Variants in STXBP5L observed in about 807,000 individuals in gnomAD.
The protein encoded by STXBP5L is syntaxin-binding protein 5-like.
In STXBP5L, 65 loss-of-function variants were observed where a neutral mutation model predicts 144.5. That is an observed-to-expected ratio of 0.45 (90% CI 0.37 to 0.55). The LOEUF (loss-of-function observed/expected upper bound fraction) is 0.55. Ranked by LOEUF, STXBP5L falls within the 20% of genes least tolerant of loss-of-function variation. The pLI, the probability that STXBP5L is intolerant of heterozygous loss-of-function variation, is 0.00. For synonymous variants in STXBP5L, 505 were observed against 469.6 expected (o/e 1.08, Z -0.97); for missense variants, 1,298 against 1,405.5 (o/e 0.92, Z 1.22).
Position 121,395,272 on chromosome 3 carries a change from C to T in STXBP5L, c.2588-11971C>T, listed in dbSNP as rs551687209. Among the ~76,000 whole-genome samples, 9 of 152,258 alleles carry T rather than the reference C, an allele frequency of 5.9e-5. No homozygotes were observed. The East Asian group carries it at 1.7e-3, about 29-fold the overall frequency. On this transcript the variant is annotated intron_variant, in intron 22 of 26. Coordinates refer to ENST00000471454, the MANE Select transcript of STXBP5L (RefSeq NM_001308330.2). Reference sequence around the variant, plus strand: ...ACCAAACGGAAAACAAAACAAAACTCTTCTATTTCACATAAGAAAAGTCTG... The same window carrying T: ...ACCAAACGGAAAACAAAACAAAACTTTTCTATTTCACATAAGAAAAGTCTG...
At chr3:121,221,990 G>A (rs962798890) in intron 10 of STXBP5L, among the ~76,000 whole-genome samples, 2 of 151,904 alleles carry the variant, frequency 1.3e-5, no homozygotes, top group African/African-American at 4.8e-5. Flanking sequence ...CTTACAGAGC[G>A]ATTTCTAGAA....
rs1292740951 is a variant in STXBP5L, at chr3:121,190,676, C to T, written c.878-15247C>T. On this transcript the variant is annotated intron_variant, in intron 9 of 26. Coordinates refer to ENST00000471454, the MANE Select transcript of STXBP5L (RefSeq NM_001308330.2). ...CTCCCAGATGGGGTGGCTGGCTGGG[C>T]GGCGGCTGCCCCCCACCTCCCTGAC... is the stretch of plus-strand genomic sequence containing the variant. Among the ~76,000 whole-genome samples, 211 of 151,164 alleles carry T rather than the reference C, an allele frequency of 1.4e-3. 1 individual carries two copies. Among genetic ancestry groups the T allele is most frequent in the Non-Finnish European group, 2.3e-3 (157 of 67,760 alleles).
At chr3:121,398,738 T>C (rs1193151732) in intron 22 of STXBP5L, among the ~76,000 whole-genome samples, 2 of 152,184 alleles carry the variant, frequency 1.3e-5, no homozygotes, top group East Asian at 1.9e-4. Context: ...TTATGCAGAT[T>C]ACCTCCAATA....
At chr3:121,349,587 A>T (rs983852522) in intron 20 of STXBP5L, among the ~76,000 whole-genome samples, 1 of 151,922 alleles carries the variant, frequency 6.6e-6, no homozygotes. Context: ...ATTGTGTGGG[A>T]GTCTAAGTCT....
intron 5 of STXBP5L, among the ~76,000 whole-genome samples, chr3:121,081,785 T>TG (rs1043308868): frequency 1.3e-5 from 2 of 152,156 alleles, no homozygotes; most frequent in African/African-American, 4.8e-5. Context: ...TTAAGTTGGC[T>TG]GGGGGAGCTC....
chr3:121,123,989 C>A (rs914316188), intron 7 of STXBP5L, among the ~76,000 whole-genome samples: 5 of 151,602 alleles, frequency 3.3e-5, no homozygotes, highest in East Asian at 3.9e-4. Flanking sequence ...GGTTTTAAGA[C>A]CTTGCATTTC....
chr3:120,915,408 G>T (rs1709055974), intron 2 of STXBP5L, among the ~76,000 whole-genome samples: 1 of 151,948 alleles, frequency 6.6e-6, no homozygotes, highest in East Asian at 1.9e-4. Context: ...CTTACATATT[G>T]GTTTAATAGC....
Position 121,300,228 on chromosome 3 carries a change from TATC to T in STXBP5L, c.2111-18244_2111-18242del, listed in dbSNP as rs1202927975. ...TCCAGAATTCTATATCTAGCAAAAA[TATC>T]ATTCAAAAATGAAAGTGCATGAATT... On this transcript the variant is annotated intron_variant, in intron 19 of 26. Coordinates refer to ENST00000471454, the MANE Select transcript of STXBP5L (RefSeq NM_001308330.2). 5.9e-5 allele frequency among the ~76,000 whole-genome samples: 9 copies of T among 152,102 alleles called. No individual in the cohort carries two copies. In the South Asian group the frequency reaches 1.4e-3, roughly 24 times the overall value.
At chr3:121,347,117 A>G (rs567261216) in intron 20 of STXBP5L, among the ~76,000 whole-genome samples, 98 of 152,290 alleles carry the variant, frequency 6.4e-4, no homozygotes, top group Admixed American at 1.8e-3. Context: ...TCCATCTTGA[A>G]TTAATGTTTG....
intron 9 of STXBP5L, among the ~76,000 whole-genome samples, chr3:121,177,399 A>G (rs1317423318): frequency 6.6e-6 from 1 of 152,140 alleles, no homozygotes. Context: ...AAGAATTCCT[A>G]CAACTCAACA....
chr3:121,358,126 T>A (rs1262787547), intron 20 of STXBP5L, among the ~76,000 whole-genome samples: 1 of 152,172 alleles, frequency 6.6e-6, no homozygotes, highest in Non-Finnish European at 1.5e-5. Flanking sequence ...ACAGTCCAAT[T>A]ACATTCTTTA....
chr3:121,206,404 T>C (rs2048336946), intron 10 of STXBP5L, among the ~76,000 whole-genome samples: 1 of 152,136 alleles, frequency 6.6e-6, no homozygotes, highest in African/African-American at 2.4e-5. Context: ...AAGATTACAG[T>C]TTGTTCGAAA....
At chr3:121,173,705 A>G (rs1196079142) in intron 9 of STXBP5L, among the ~76,000 whole-genome samples, 1 of 152,176 alleles carries the variant, frequency 6.6e-6, no homozygotes, top group Non-Finnish European at 1.5e-5. Flanking sequence ...AAATACATTT[A>G]GAATACTGTA....
intron 20 of STXBP5L, among the ~76,000 whole-genome samples, chr3:121,352,262 A>T (rs1442827708): frequency 6.6e-6 from 1 of 152,070 alleles, no homozygotes; most frequent in Non-Finnish European, 1.5e-5. Context: ...TGAATCTATA[A>T]ATTACCTTGG....
At chr3:121,009,756 T>A (rs1944630364) in intron 3 of STXBP5L, among the ~76,000 whole-genome samples, 1 of 152,044 alleles carries the variant, frequency 6.6e-6, no homozygotes, top group South Asian at 2.1e-4. Context: ...TTTGCTATTG[T>A]GCCAACTCTT....
intron 19 of STXBP5L, among the ~76,000 whole-genome samples, chr3:121,297,175 A>G (rs1216463929): frequency 6.6e-6 from 1 of 150,458 alleles, no homozygotes; most frequent in Non-Finnish European, 1.5e-5. Flanking sequence ...TTAAATACTT[A>G]GCAGAATCTG....
chr3:121,196,402 G>T (rs1045095498), intron 9 of STXBP5L, among the ~76,000 whole-genome samples: 1 of 151,914 alleles, frequency 6.6e-6, no homozygotes, highest in African/African-American at 2.4e-5. Flanking sequence ...ACCTCCCAAA[G>T]TACTGGGATT....
At chr3:121,152,678 C>A in intron 8 of STXBP5L, 118 bp downstream of exon 8, 1 of 613,654 alleles carries the variant, frequency 1.6e-6, no homozygotes, top group Non-Finnish European at 2.7e-6. Flanking sequence ...GATTCTGACC[C>A]AGTGCTTCAC....
At chr3:121,255,387 T>C (rs1400691163) in intron 16 of STXBP5L, among the ~76,000 whole-genome samples, 1 of 152,054 alleles carries the variant, frequency 6.6e-6, no homozygotes, top group Non-Finnish European at 1.5e-5. Flanking sequence ...AAATTAAACA[T>C]GTTACAATTT....
Sources: gnomAD v4.1 joint callset for allele counts (sites outside exome capture counted in the v4.1 genomes callset) on GRCh38, gnomAD v4.1.1 for gene constraint, MANE v1.5 for transcripts, NCBI Gene and HGNC (gene_info 2026-07-23, HGNC 2026-07-21) for gene names.